The following FGF12 variants were observed in gnomAD, a reference collection of about 807,000 sequenced individuals.
FGF12 encodes fibroblast growth factor 12B.
FGF12 carries 14 observed loss-of-function variants against 23.6 expected under a neutral mutation model. The observed-to-expected ratio is 0.59, with a 90% CI of 0.39 to 0.93. The LOEUF is 0.93. Among genes scored for constraint, FGF12 ranks in the 40% least tolerant of loss-of-function variants. The pLI, the probability that FGF12 is intolerant of heterozygous loss-of-function variation, is 0.00. For synonymous variants in FGF12, 62 were observed against 77.3 expected, an observed-to-expected ratio of 0.80 and a Z score of 1.04; for missense variants, 175 against 217.8, an observed-to-expected ratio of 0.80 and a Z score of 1.24.
intron 2 of FGF12, among the ~76,000 whole-genome samples, chr3:192,702,656 G>A (rs140785511): frequency 6.6e-4 from 100 of 152,202 alleles, no homozygotes; most frequent in African/African-American, 2.0e-3. Context: ...GCCAGGTATG[G>A]TGGCATGCAC....
intron 4 of FGF12, among the ~76,000 whole-genome samples, chr3:192,207,411 T>A (rs11717284): frequency 0.53 from 80,647 of 152,114 alleles, 23,390 homozygotes; most frequent in East Asian, 0.99. Flanking sequence ...TTCCTTGGAA[T>A]GCTGGAACAG....
At chr3:192,231,534 C>T (rs796571194) in intron 4 of FGF12, among the ~76,000 whole-genome samples, 6 of 152,174 alleles carry the variant, frequency 3.9e-5, no homozygotes, top group African/African-American at 1.4e-4. Flanking sequence ...CTGTGGGAGG[C>T]AGAGGCAGGT....
At chr3:192,720,833 T>C (rs1560205349) in intron 2 of FGF12, among the ~76,000 whole-genome samples, 1 of 152,200 alleles carries the variant, frequency 6.6e-6, no homozygotes, top group Non-Finnish European at 1.5e-5. Flanking sequence ...ACATACATCA[T>C]CACCTGAGTG....
At chr3:192,492,860 C>G (rs1451819149) in intron 2 of FGF12, among the ~76,000 whole-genome samples, 1 of 151,848 alleles carries the variant, frequency 6.6e-6, no homozygotes, top group African/African-American at 2.4e-5. Context: ...AAAATTTTTC[C>G]AATTTATACA....
intron 2 of FGF12, among the ~76,000 whole-genome samples, chr3:192,605,769 T>C (rs531282210): frequency 6.6e-6 from 1 of 151,726 alleles, no homozygotes; most frequent in South Asian, 2.1e-4. Context: ...ATGAAAAAAA[T>C]GTTCAACATC....
chr3:192,323,951 G>T (rs187136320), intron 4 of FGF12, among the ~76,000 whole-genome samples: 1 of 152,006 alleles, frequency 6.6e-6, no homozygotes, highest in African/African-American at 2.4e-5. Context: ...AATTGGCTGG[G>T]TGTGGTGGTG....
chr3:192,689,180 T>C (rs978040023), intron 2 of FGF12, among the ~76,000 whole-genome samples: 5 of 152,072 alleles, frequency 3.3e-5, no homozygotes, highest in African/African-American at 9.7e-5. Context: ...CAGAGTAAGG[T>C]GACTACAGGT....
intron 2 of FGF12, among the ~76,000 whole-genome samples, chr3:192,696,113 A>G (rs960845796): frequency 2.0e-5 from 3 of 151,400 alleles, no homozygotes; most frequent in African/African-American, 4.9e-5. Flanking sequence ...TGGGCTATGA[A>G]GCTCTCTGCA....
intron 3 of FGF12, among the ~76,000 whole-genome samples, chr3:192,350,236 T>A (rs1718156713): frequency 6.6e-6 from 1 of 152,062 alleles, no homozygotes; most frequent in Non-Finnish European, 1.5e-5. Context: ...AGATGTACAG[T>A]TTGTTCAGAG....
At chr3:192,659,973 A>C (rs1716588863) in intron 2 of FGF12, among the ~76,000 whole-genome samples, 1 of 152,032 alleles carries the variant, frequency 6.6e-6, no homozygotes, top group Non-Finnish European at 1.5e-5. Flanking sequence ...CATATCCTTC[A>C]TGATTTATAA....
intron 2 of FGF12, among the ~76,000 whole-genome samples, chr3:192,463,748 G>A (rs1280956428): frequency 1.3e-5 from 2 of 152,330 alleles, no homozygotes; most frequent in Admixed American, 6.5e-5. Flanking sequence ...AAGAGTAAGA[G>A]CTTGTGGGTA....
chr3:192,550,629 A>G (rs1285812063), intron 2 of FGF12, among the ~76,000 whole-genome samples: 1 of 152,004 alleles, frequency 6.6e-6, no homozygotes, highest in Non-Finnish European at 1.5e-5. Flanking sequence ...TTACATAGGT[A>G]GGGTATAGTT....
intron 4 of FGF12, among the ~76,000 whole-genome samples, chr3:192,187,980 T>C (rs563447565): frequency 6.6e-6 from 1 of 152,242 alleles, no homozygotes; most frequent in East Asian, 1.9e-4. Flanking sequence ...AAGTGAGGTT[T>C]AGAAAGTGGA....
At chr3:192,645,767 T>TAAAAAA (rs55809400) in intron 2 of FGF12, among the ~76,000 whole-genome samples, 3 of 71,042 alleles carry the variant, frequency 4.2e-5, no homozygotes, top group Admixed American at 2.0e-4. Flanking sequence ...ACAAAACAGG[T>TAAAAAA]AAAAAAAAAA....
chr3:192,408,488 C>T lies in FGF12; in HGVS notation c.14-47950G>A, dbSNP rs1721060831. The stretch of plus-strand genomic sequence containing the variant: ...GGGCGGGGCGGGGCGGTCCCAGGCC[C>T]TCTTGCGAAGTAGACGTTTGCACCC... On this transcript the variant is annotated intron_variant, in intron 2 of 5. Transcript: ENST00000445105. The surrounding 1 kb of genome is among the most constrained non-coding windows in gnomAD (Gnocchi z 7.3). The T allele has an allele frequency of 9.2e-6, 12 of 1,306,626 alleles. No homozygotes were observed. The South Asian group carries it at 2.3e-4, about 25-fold the overall frequency. The allele number at this position is 1,306,626 out of a possible 1,614,324, so 80.9% of individuals were successfully genotyped here.
chr3:192,295,233 G>A (rs1412032319), intron 4 of FGF12, among the ~76,000 whole-genome samples: 1 of 152,114 alleles, frequency 6.6e-6, no homozygotes, highest in African/African-American at 2.4e-5. Flanking sequence ...GTGGGTCAGT[G>A]GCAGGATTGG....
intron 4 of FGF12, among the ~76,000 whole-genome samples, chr3:192,297,943 T>G (rs1715135246): frequency 1.3e-5 from 2 of 152,108 alleles, no homozygotes; most frequent in Non-Finnish European, 2.9e-5. Context: ...TTTCCATACA[T>G]TCTCAAAAAT....
intron 2 of FGF12, among the ~76,000 whole-genome samples, chr3:192,557,225 C>T (rs1286355739): frequency 6.7e-6 from 1 of 149,970 alleles, no homozygotes; most frequent in African/African-American, 2.4e-5. Flanking sequence ...AAATAAAATA[C>T]AAGTAGAAAA....
intron 4 of FGF12, among the ~76,000 whole-genome samples, chr3:192,232,125 A>G (rs1289461283): frequency 6.6e-6 from 1 of 152,128 alleles, no homozygotes; most frequent in Non-Finnish European, 1.5e-5. Flanking sequence ...TGACAATGTC[A>G]TATCATTAAA....
Sources: gnomAD v4.1 joint callset for allele counts (sites outside exome capture counted in the v4.1 genomes callset) on GRCh38, gnomAD v4.1.1 for gene constraint, Gnocchi (gnomAD v3.1) non-coding constraint, MANE v1.5 for transcripts, NCBI Gene and HGNC (gene_info 2026-07-23, HGNC 2026-07-21) for gene names.